ACOXL: variants seen among roughly 807,000 people sequenced by gnomAD.
ACOXL encodes acyl-CoA oxidase like, also known as acyl-coenzyme A oxidase-like protein.
Under a neutral mutation model 71.9 loss-of-function variants are expected in ACOXL, and 70 were observed. That is an observed-to-expected ratio of 0.97 (90% CI 0.80 to 1.19). The LOEUF is 1.19. ACOXL is among the 50% of genes most tolerant of loss of function. The pLI is 0.00. For missense variants in ACOXL, 703 were observed against 736.3 expected, an observed-to-expected ratio of 0.95 and a Z score of 0.52; for synonymous variants, 253 against 281.6, an observed-to-expected ratio of 0.90 and a Z score of 1.02.
chr2:111,058,793 A>C (rs1201210258), intron 16 of ACOXL, among the ~76,000 whole-genome samples: 1 of 152,210 alleles, frequency 6.6e-6, no homozygotes, highest in African/African-American at 2.4e-5. Context: ...AGGATAAAAA[A>C]AGGAGGGAGG....
intron 14 of ACOXL, among the ~76,000 whole-genome samples, chr2:111,014,822 A>G (rs779076823): frequency 3.9e-5 from 6 of 152,366 alleles, no homozygotes; most frequent in East Asian, 1.9e-4. Flanking sequence ...ACCCACATGT[A>G]TATGTTCACT....
chr2:110,986,617 A>G (rs1271847529), intron 12 of ACOXL, among the ~76,000 whole-genome samples: 2 of 152,244 alleles, frequency 1.3e-5, no homozygotes, highest in African/African-American at 2.4e-5. Flanking sequence ...ACAGAAGAGC[A>G]TGCAGTATTT....
intron 10 of ACOXL, among the ~76,000 whole-genome samples, chr2:110,856,360 A>G (rs558289640): frequency 6.6e-6 from 1 of 152,258 alleles, no homozygotes; most frequent in South Asian, 2.1e-4. Flanking sequence ...CAGTGATCAG[A>G]TGGCTTGTCA....
At chr2:110,955,125 A>T (rs555962331) in intron 12 of ACOXL, among the ~76,000 whole-genome samples, 7 of 152,310 alleles carry the variant, frequency 4.6e-5, no homozygotes, top group African/African-American at 1.7e-4. Context: ...GTTAGTAAGT[A>T]CGTGGATTTG....
Position 111,118,090 on chromosome 2 carries a change from G to C in ACOXL, c.*274G>C. ...TGCAACCTCTCCCAACTTCAGTGCC[G>C]GATCCCCTAGACAATCAGGGTGGGC... On this transcript the variant is annotated 3_prime_UTR_variant, in exon 18 of 18. Coordinates refer to ENST00000439055, the MANE Select transcript of ACOXL (RefSeq NM_001142807.4). The C allele has an allele frequency of 1.8e-6, 1 of 552,078 alleles. No individual in the cohort carries two copies. The highest frequency in any genetic ancestry group is 3.2e-5 in the East Asian group (1 of 31,562). The allele number at this position is 552,078 out of a possible 1,614,324, so 34.2% of individuals were successfully genotyped here.
At chr2:110,853,171 G>C (rs1283464202) in intron 10 of ACOXL, among the ~76,000 whole-genome samples, 1 of 152,178 alleles carries the variant, frequency 6.6e-6, no homozygotes, top group African/African-American at 2.4e-5. Flanking sequence ...AAACTATGGT[G>C]ATTTTGCCTC....
At chr2:110,873,893 C>T (rs1485129948) in intron 10 of ACOXL, among the ~76,000 whole-genome samples, 1 of 152,224 alleles carries the variant, frequency 6.6e-6, no homozygotes, top group Non-Finnish European at 1.5e-5. Context: ...TGCAGCCCTT[C>T]CCTCACCAGT....
chr2:110,762,701 G>T (rs1041826148), intron 1 of ACOXL, among the ~76,000 whole-genome samples: 1 of 152,016 alleles, frequency 6.6e-6, no homozygotes, highest in African/African-American at 2.4e-5. Context: ...TGTCACCCAG[G>T]CTGGAGTGCA....
intron 12 of ACOXL, among the ~76,000 whole-genome samples, chr2:110,935,398 C>T (rs1254657988): frequency 5.9e-5 from 9 of 152,296 alleles, no homozygotes; most frequent in African/African-American, 1.2e-4. Context: ...CTCATCCCTT[C>T]GTCCTGGCCT....
At chr2:110,786,077 G>C (rs1247030106) in intron 3 of ACOXL, among the ~76,000 whole-genome samples, 1 of 152,190 alleles carries the variant, frequency 6.6e-6, no homozygotes, top group Non-Finnish European at 1.5e-5. Flanking sequence ...GCAGCCACTC[G>C]TGCTGCCCAA....
At chr2:110,860,887 C>T (rs565313878) in intron 10 of ACOXL, among the ~76,000 whole-genome samples, 68 of 152,330 alleles carry the variant, frequency 4.5e-4, no homozygotes, top group Admixed American at 1.0e-3. Flanking sequence ...CCACTGGTTC[C>T]CCTGTTCTCA....
At chr2:111,060,977 GA>G (rs1250368503) in intron 16 of ACOXL, among the ~76,000 whole-genome samples, 2 of 152,144 alleles carry the variant, frequency 1.3e-5, no homozygotes, top group African/African-American at 4.8e-5. Flanking sequence ...CTGTACAACA[GA>G]AAGAAGATGG....
In ACOXL at chr2:110,784,791, G is replaced by A. The variant is rs1683752132; in HGVS notation, c.135G>A (p.Met45Ile). The change falls in exon 3 of 18, where the codon ATG (methionine) becomes ATA (isoleucine). Residue 45 changes from methionine (M) to isoleucine (I), a missense_variant. Coordinates refer to ENST00000439055, the MANE Select transcript of ACOXL (RefSeq NM_001142807.4). ...TTGTCATAGGAGAAGTCCTCTCCAT[G>A]GCGGACATGGCCACAGGAGTGAAGG... The part of the protein sequence containing the change: ...RSLVIGEVLS[M>I]ADMATGVKCG... 1 of 1,607,816 alleles carries A rather than the reference G, an allele frequency of 6.2e-7. No homozygotes were observed. The highest frequency in any genetic ancestry group is 1.7e-5 in the Admixed American group (1 of 58,400).
intron 2 of ACOXL, among the ~76,000 whole-genome samples, chr2:110,774,978 C>A (rs1159659383): frequency 1.3e-5 from 2 of 152,274 alleles, no homozygotes; most frequent in Middle Eastern, 3.4e-3. Flanking sequence ...GCGTAGAGAC[C>A]AATGGAATGG....
intron 10 of ACOXL, among the ~76,000 whole-genome samples, chr2:110,843,021 A>G (rs964708193): frequency 2.0e-5 from 3 of 152,196 alleles, no homozygotes; most frequent in Non-Finnish European, 2.9e-5. Flanking sequence ...AGGAAGAAGC[A>G]TGGTGCGCAC....
intron 2 of ACOXL, 38 bp from the exon 3 acceptor site, chr2:110,784,694 A>G: frequency 2.7e-6 from 4 of 1,494,760 alleles, no homozygotes; most frequent in Non-Finnish European, 3.6e-6. Context: ...TCAGAAAACC[A>G]TAAGGAAACC....
intron 12 of ACOXL, among the ~76,000 whole-genome samples, chr2:110,943,481 G>A (rs903777221): frequency 1.3e-5 from 2 of 152,144 alleles, no homozygotes; most frequent in African/African-American, 4.8e-5. Context: ...GCTACAACCA[G>A]AGGAGAGGGG....
chr2:110,796,777 C>G (rs1397399636), intron 5 of ACOXL, among the ~76,000 whole-genome samples: 1 of 152,202 alleles, frequency 6.6e-6, no homozygotes, highest in African/African-American at 2.4e-5. Context: ...TTAAAAAGAT[C>G]CAGCATGTCC....
At chr2:110,754,711 A>G (rs1306437554) in intron 1 of ACOXL, among the ~76,000 whole-genome samples, 1 of 152,180 alleles carries the variant, frequency 6.6e-6, no homozygotes, top group African/African-American at 2.4e-5. Flanking sequence ...TGGATGTGTC[A>G]CAGTTTGTTT....
Sources: allele counts gnomAD v4.1 joint callset (sites outside exome capture counted in the v4.1 genomes callset), GRCh38; gene constraint gnomAD v4.1.1; transcripts MANE v1.5; gene names NCBI Gene and HGNC (gene_info 2026-07-23, HGNC 2026-07-21).